POU6F2: variants seen among roughly 807,000 people sequenced by gnomAD.
The protein encoded by POU6F2 is POU domain, class 6, transcription factor 2.
A neutral mutation model predicts 71.3 loss-of-function variants in POU6F2; 31 were observed. The ratio of observed to expected loss-of-function variants is 0.43; its 90% confidence interval spans 0.33 to 0.59. The LOEUF is 0.59. Ranked by LOEUF, POU6F2 falls within the 20% of genes least tolerant of loss-of-function variation. The pLI is 0.04. For missense variants in POU6F2, 783 were observed against 856.8 expected (o/e 0.91, Z 1.07); for synonymous variants, 347 against 355.7 (o/e 0.98, Z 0.27).
chr7:39,158,529 T>C lies in POU6F2; in HGVS notation c.278-45706T>C, dbSNP rs149569371. ...TCTGCAAGCGGGATAACCAGGAAGG[T>C]CAGTGGCATCACTCTCGGTCTGAGG... On this transcript the variant is annotated intron_variant, in intron 2 of 9. Coordinates refer to ENST00000518318, the MANE Select transcript of POU6F2 (RefSeq NM_001370959.1). 5.1e-3 allele frequency among the ~76,000 whole-genome samples: 780 copies of C among 152,152 alleles called. 8 individuals carry two copies. Among genetic ancestry groups the C allele is most frequent in the African/African-American group, 0.018 (748 of 41,514 alleles).
At chr7:39,064,120 CTTAGAAAT>C (rs1403632629) in intron 1 of POU6F2, among the ~76,000 whole-genome samples, 1 of 151,888 alleles carries the variant, frequency 6.6e-6, no homozygotes, top group Admixed American at 6.6e-5. Context: ...GACTGAATAA[CTTAGAAAT>C]TTAGTTAAGA....
Position 39,238,104 on chromosome 7 carries a change from G to T in POU6F2, c.598+30484G>T, listed in dbSNP as rs927188893. ...TTCAGGGGGGTATAAATACTCTGAG[G>T]TTCGCTCACGGGTCCCTAAATGTGC... On this transcript the variant is annotated intron_variant, in intron 4 of 9. Coordinates refer to ENST00000518318, the MANE Select transcript of POU6F2 (RefSeq NM_001370959.1). Among the ~76,000 whole-genome samples, 5 of 152,068 alleles carry T rather than the reference G, an allele frequency of 3.3e-5. No individual in the cohort carries two copies. In the East Asian group the frequency reaches 9.6e-4, roughly 29 times the overall value.
chr7:39,086,092 C>G, intron 2 of POU6F2, 61 bp downstream of exon 2: 1 of 1,462,326 alleles, frequency 6.8e-7, no homozygotes, highest in Non-Finnish European at 9.2e-7. Flanking sequence ...GCAATCCAAC[C>G]CCCCCAACCC....
intron 2 of POU6F2, among the ~76,000 whole-genome samples, chr7:39,103,877 G>A (rs1031455994): frequency 2.6e-5 from 4 of 152,168 alleles, no homozygotes; most frequent in African/African-American, 9.7e-5. Flanking sequence ...ATCCCAGGTA[G>A]GGCAAACATC....
intron 1 of POU6F2, among the ~76,000 whole-genome samples, chr7:39,072,099 A>G (rs1443092144): frequency 1.3e-5 from 2 of 152,186 alleles, no homozygotes; most frequent in Non-Finnish European, 2.9e-5. Context: ...TAGTTGAGGT[A>G]TGAGAGAAAG....
At chr7:39,249,414 C>CT (rs1434230693) in intron 4 of POU6F2, among the ~76,000 whole-genome samples, 1 of 152,204 alleles carries the variant, frequency 6.6e-6, no homozygotes, top group Non-Finnish European at 1.5e-5. Context: ...ATGCATCTCT[C>CT]TTAAAACGTA....
chr7:39,102,967 A>G lies in POU6F2; in HGVS notation c.277+16936A>G, dbSNP rs559935995. On this transcript the variant is annotated intron_variant, in intron 2 of 9. Transcript: ENST00000518318. ...GATATAATCTTATGGGACCACCATG[A>G]TATGTGCAGTCTGTTGTTGACCAAA... Among the ~76,000 whole-genome samples, 30 of 152,232 alleles carry G rather than the reference A, an allele frequency of 2.0e-4. 1 individual carries two copies. The highest frequency in any genetic ancestry group is 6.2e-4 in the South Asian group (3 of 4,830).
intron 4 of POU6F2, among the ~76,000 whole-genome samples, chr7:39,234,502 A>G (rs1296662354): frequency 2.6e-5 from 4 of 151,682 alleles, no homozygotes; most frequent in Non-Finnish European, 4.4e-5. Flanking sequence ...TTTTTTTTTC[A>G]GGTGAAGACA....
chr7:39,439,536 C>T (rs1788339859), intron 7 of POU6F2, among the ~76,000 whole-genome samples: 1 of 152,194 alleles, frequency 6.6e-6, no homozygotes, highest in South Asian at 2.1e-4. Flanking sequence ...GTCACCCAGG[C>T]TGGTGTGCAA....
intron 2 of POU6F2, among the ~76,000 whole-genome samples, chr7:39,200,426 C>T (rs1793874692): frequency 6.6e-6 from 1 of 152,198 alleles, no homozygotes; most frequent in South Asian, 2.1e-4. Flanking sequence ...AACTTTGCCA[C>T]TATCTTTGTG....
intron 4 of POU6F2, among the ~76,000 whole-genome samples, chr7:39,254,738 AG>A (rs1328759207): frequency 6.6e-6 from 1 of 152,186 alleles, no homozygotes; most frequent in Non-Finnish European, 1.5e-5. Flanking sequence ...CTGTTGCAAA[AG>A]GTCTCTCGGT....
chr7:39,019,729 A>G (rs1394642938), intron 1 of POU6F2, among the ~76,000 whole-genome samples: 1 of 151,278 alleles, frequency 6.6e-6, no homozygotes, highest in African/African-American at 2.4e-5. Flanking sequence ...AATGTCAACA[A>G]TTACATTTTG....
intron 2 of POU6F2, among the ~76,000 whole-genome samples, chr7:39,110,055 G>A (rs1791772964): frequency 6.6e-6 from 1 of 152,110 alleles, no homozygotes; most frequent in Non-Finnish European, 1.5e-5. Flanking sequence ...CGGATCACCT[G>A]AGGTCAGGAG....
In POU6F2 at chr7:39,087,151, A is replaced by ATTT. The variant is rs1562700883; in HGVS notation, c.277+1120_277+1121insTTT. 7.1e-4 allele frequency among the ~76,000 whole-genome samples: 42 copies of ATTT among 58,856 alleles called. 1 individual carries two copies. The highest frequency in any genetic ancestry group is 2.0e-3 in the South Asian group (3 of 1,480). The allele number at this position is 58,856 out of a possible 152,430, so 38.6% of individuals were successfully genotyped here. A position where few individuals can be genotyped will look rare whatever the true frequency, so the allele number is the denominator to read the frequency against. The stretch of plus-strand genomic sequence containing the variant: ...GCTTGAAACACAGGCTTTATTAATT[A>ATTT]ATTAATTAATTTATTTATTTATTTA... On this transcript the variant is annotated intron_variant, in intron 2 of 9. Coordinates refer to ENST00000518318, the MANE Select transcript of POU6F2 (RefSeq NM_001370959.1).
At chr7:39,316,609 A>C (rs902854407) in intron 4 of POU6F2, among the ~76,000 whole-genome samples, 1 of 152,192 alleles carries the variant, frequency 6.6e-6, no homozygotes, top group African/African-American at 2.4e-5. Context: ...GCTATGTTCC[A>C]TATAAGACTT....
Position 39,249,338 on chromosome 7 carries a change from GTC to G in POU6F2, c.598+41725_598+41726del, listed in dbSNP as rs572171254. ...CATTTTAAACCTGGGTTCGGCCCTGGTCTCTCTCCTGAGCTCTGCAGCACCCC... is the reference window on the plus strand; with the variant it reads ...CATTTTAAACCTGGGTTCGGCCCTGGTCTCTCCTGAGCTCTGCAGCACCCC... On this transcript the variant is annotated intron_variant, in intron 4 of 9. Transcript: ENST00000518318. 5.9e-5 allele frequency among the ~76,000 whole-genome samples: 9 copies of G among 152,194 alleles called. No homozygotes were observed. In the South Asian group the frequency reaches 1.7e-3, roughly 28 times the overall value.
chr7:39,024,433 C>T (rs967416544), intron 1 of POU6F2, among the ~76,000 whole-genome samples: 2 of 151,996 alleles, frequency 1.3e-5, no homozygotes, highest in Non-Finnish European at 2.9e-5. Context: ...TCTAGATATA[C>T]AATCATGTCG....
intron 2 of POU6F2, among the ~76,000 whole-genome samples, chr7:39,095,638 A>G (rs897827613): frequency 6.6e-6 from 1 of 152,174 alleles, no homozygotes; most frequent in African/African-American, 2.4e-5. Context: ...GGTCTGAGAA[A>G]AGATCTTGAA....
chr7:39,009,335 GGTGTAT>G (rs1013202244), intron 1 of POU6F2, among the ~76,000 whole-genome samples: 1 of 151,812 alleles, frequency 6.6e-6, no homozygotes, highest in African/African-American at 2.4e-5. Flanking sequence ...GTCTGTTGTT[GGTGTAT>G]AAGAATGCTT....
Sources: allele counts gnomAD v4.1 joint callset (sites outside exome capture counted in the v4.1 genomes callset), GRCh38; gene constraint gnomAD v4.1.1; transcripts MANE v1.5; gene names NCBI Gene and HGNC (gene_info 2026-07-23, HGNC 2026-07-21).